The following S100PBP variants were observed in gnomAD, a reference collection of about 807,000 sequenced individuals.
S100PBP encodes the protein S100P binding protein.
Under a neutral mutation model 39.9 loss-of-function variants are expected in S100PBP, and 15 were observed. The ratio of observed to expected loss-of-function variants is 0.38; its 90% CI spans 0.25 to 0.58. S100PBP has a LOEUF of 0.58. Among genes scored for constraint, S100PBP ranks in the 20% least tolerant of loss-of-function variants. The pLI is 0.70. For synonymous variants in S100PBP, 178 were observed against 180.3 expected, an observed-to-expected ratio of 0.99 and a Z score of 0.10; for missense variants, 504 against 487.3, an observed-to-expected ratio of 1.03 and a Z score of -0.32.
chr1:32,832,226 A>G (rs1338488543), intron 5 of S100PBP, among the ~76,000 whole-genome samples: 3 of 152,226 alleles, frequency 2.0e-5, no homozygotes, highest in Non-Finnish European at 4.4e-5. Flanking sequence ...AGTAACTAAC[A>G]TTTATTGAAT....
intron 5 of S100PBP, among the ~76,000 whole-genome samples, chr1:32,844,871 C>T (rs2148680083): frequency 6.6e-6 from 1 of 151,704 alleles, no homozygotes; most frequent in East Asian, 1.9e-4. Context: ...CTCTGTTGCC[C>T]AGGCTGGAGT....
At position 32,858,623 on chromosome 1, in the gene S100PBP, C is replaced by A. The variant is rs1456899647; in HGVS notation, c.*2585C>A. The A allele has an allele frequency of 6.6e-6, 1 of 152,162 alleles. No individual in the cohort carries two copies. Among genetic ancestry groups the A allele is most frequent in the African/African-American group, 2.4e-5 (1 of 41,424 alleles). 9.4% of individuals were successfully genotyped at this position (152,162 alleles called of 1,614,324 possible). A position where few individuals can be genotyped will look rare whatever the true frequency, so the allele number is the denominator to read the frequency against. On this transcript the variant is annotated 3_prime_UTR_variant, in exon 7 of 7. Coordinates refer to ENST00000373475, the MANE Select transcript of S100PBP (RefSeq NM_022753.4). ...AGCAAGTGTTAGGTGCATTTAACTG[C>A]TTTCTTCATCCATGACGACATTCCC...
intron 5 of S100PBP, among the ~76,000 whole-genome samples, chr1:32,851,724 G>A (rs1231370945): frequency 6.6e-6 from 1 of 151,996 alleles, no homozygotes; most frequent in Admixed American, 6.6e-5. Context: ...ACCAGCATTA[G>A]CATCACTTGG....
intron 1 of S100PBP, among the ~76,000 whole-genome samples, chr1:32,820,113 TTTAGCACTCTTTTTTCCTACCGTTCC>T (rs1638976793): frequency 6.6e-6 from 1 of 151,616 alleles, no homozygotes; most frequent in Non-Finnish European, 1.5e-5. Flanking sequence ...TCCCTACCAG[TTTAGCACTCTTTTTTCCTACCGTTCC>T]TATGCTTTTT....
At chr1:32,822,993 C>T (rs1446055747) in intron 1 of S100PBP, among the ~76,000 whole-genome samples, 1 of 151,858 alleles carries the variant, frequency 6.6e-6, no homozygotes, top group Admixed American at 6.6e-5. Context: ...CTGACCAATC[C>T]TGTGCAAGTC....
At chr1:32,816,600 T>A (rs1240142859), upstream of S100PBP, among the ~76,000 whole-genome samples, 1 of 152,220 alleles carries the variant, frequency 6.6e-6, no homozygotes, top group Non-Finnish European at 1.5e-5. Flanking sequence ...CAATTTCTGT[T>A]TCCTCCATCT....
Position 32,851,839 on chromosome 1 carries a change from A to G in S100PBP, c.1025-1240A>G, listed in dbSNP as rs147312506. 1.3e-4 allele frequency among the ~76,000 whole-genome samples: 20 copies of G among 152,316 alleles called. No individual in the cohort carries two copies. The East Asian group carries it at 3.1e-3, about 24-fold the overall frequency. Reference sequence around the variant, plus strand: ...GCTAGGCCCAGCAATCTGTTTTACAATACCTCCAGTTGATTATAATGTATG... The same window carrying G: ...GCTAGGCCCAGCAATCTGTTTTACAGTACCTCCAGTTGATTATAATGTATG... On this transcript the variant is annotated intron_variant, in intron 5 of 6. Coordinates refer to ENST00000373475, the MANE Select transcript of S100PBP (RefSeq NM_022753.4).
rs41265867 is a variant in S100PBP at position 32,826,588 on chromosome 1, C to T, written c.489C>T (p.Asp163=). Residue 163 remains aspartate (D), a synonymous_variant, in exon 3 of 7, where the codon GAC becomes GAT. Transcript: ENST00000373475. The part of the protein sequence containing the change: ...PTVCDALLDK[D]ETDSSKDTEK... ...TTTGTGATGCTCTGCTTGATAAGGACGAGACTGATTCGTCCAAAGATACTG... is the reference window on the plus strand; with the variant it reads ...TTTGTGATGCTCTGCTTGATAAGGATGAGACTGATTCGTCCAAAGATACTG... 13,865 of 1,613,772 alleles carry T rather than the reference C, an allele frequency of 8.6e-3. 86 individuals carry two copies. Among genetic ancestry groups the T allele is most frequent in the Middle Eastern group, 0.016 (98 of 6,060 alleles).
At chr1:32,848,947 A>G (rs1465485424) in intron 5 of S100PBP, among the ~76,000 whole-genome samples, 3 of 152,194 alleles carry the variant, frequency 2.0e-5, no homozygotes, top group Non-Finnish European at 2.9e-5. Flanking sequence ...TGTTGGTCCA[A>G]GAAAGCCCAT....
intron 1 of S100PBP, among the ~76,000 whole-genome samples, chr1:32,821,640 C>CTT (rs113824192): frequency 6.6e-4 from 87 of 132,728 alleles, no homozygotes; most frequent in African/African-American, 8.4e-4. Flanking sequence ...TTCTTTCTTT[C>CTT]TTTTTTTTTT....
At chr1:32,847,573 G>A (rs1402430747) in intron 5 of S100PBP, 4 of 152,054 alleles carry the variant, frequency 2.6e-5, no homozygotes, top group Non-Finnish European at 2.9e-5. Context: ...TCCCAGTACT[G>A]TTGAGGACAT....
At chr1:32,837,228 T>C (rs1290051665) in intron 5 of S100PBP, 1 of 151,100 alleles carries the variant, frequency 6.6e-6, no homozygotes, top group East Asian at 2.0e-4. Flanking sequence ...AAGTCTGTTA[T>C]AAGTTTAACT....
chr1:32,843,914 C>CT (rs908235217), intron 5 of S100PBP, among the ~76,000 whole-genome samples: 6 of 150,588 alleles, frequency 4.0e-5, no homozygotes, highest in Admixed American at 6.6e-5. Flanking sequence ...CCCTTGTTGA[C>CT]TTTTTTTTTC....
chr1:32,854,801 G>A (rs1640760246), intron 6 of S100PBP, among the ~76,000 whole-genome samples: 1 of 152,120 alleles, frequency 6.6e-6, no homozygotes, highest in African/African-American at 2.4e-5. Flanking sequence ...TTGCTTCAGG[G>A]CCTTTACAGT....
intron 1 of S100PBP, among the ~76,000 whole-genome samples, chr1:32,823,503 G>T (rs1018509468): frequency 6.6e-6 from 1 of 152,150 alleles, no homozygotes; most frequent in Non-Finnish European, 1.5e-5. Context: ...TGATTTCTTT[G>T]ATAAGATTAA....
rs1639349317 is a variant in S100PBP at position 32,826,754 on chromosome 1, T to G, written c.655T>G (p.Phe219Val). 17 of 1,614,098 alleles carry G rather than the reference T, an allele frequency of 1.1e-5. No individual in the cohort carries two copies. Among genetic ancestry groups the G allele is most frequent in the Non-Finnish European group, 1.4e-5 (16 of 1,179,996 alleles). Residue 219 changes from phenylalanine to valine, a missense_variant, in exon 3 of 7, where the codon TTT (phenylalanine) becomes GTT (valine). Transcript: ENST00000373475. Reference protein sequence around the residue: ...GPQLSSSNNNFQQTVSDKNMP... With the variant: ...GPQLSSSNNNVQQTVSDKNMP... ...CCAGCTCTCTTCTTCAAACAATAAC[T>G]TTCAACAGACTGTCTCTGATAAAAA...
upstream of S100PBP, chr1:32,817,256 C>T (rs1386518173): frequency 6.2e-7 from 1 of 1,613,810 alleles, no homozygotes; most frequent in African/African-American, 1.3e-5. Context: ...GCTCCGCTAC[C>T]CCTGCTTCCC....
At chr1:32,849,493 G>A (rs554830322) in intron 5 of S100PBP, among the ~76,000 whole-genome samples, 1 of 152,216 alleles carries the variant, frequency 6.6e-6, no homozygotes, top group Non-Finnish European at 1.5e-5. Flanking sequence ...GAATTAAATT[G>A]TAGGATACAT....
Position 32,829,988 on chromosome 1 carries a change from G to A in S100PBP, c.945G>A (p.Gln315=), listed in dbSNP as rs954458451. ...GGACTAATGTTCCGACGTTTTCACA[G>A]TCAAATCTAGAACAGCAGAAGCAGC... ...KTRTNVPTFS[Q]SNLEQQKQLY... Residue 315 remains glutamine, a synonymous_variant, in exon 5 of 7, where the codon CAG becomes CAA. Transcript: ENST00000373475. 2.5e-6 allele frequency: 4 copies of A among 1,613,726 alleles called. No homozygotes were observed. The highest frequency in any genetic ancestry group is 2.2e-5 in the East Asian group (1 of 44,880).
Sources: allele counts gnomAD v4.1 joint callset (sites outside exome capture counted in the v4.1 genomes callset), GRCh38; gene constraint gnomAD v4.1.1; transcripts MANE v1.5; gene names NCBI Gene and HGNC (gene_info 2026-07-23, HGNC 2026-07-21).